The following SHLD1 variants were observed in gnomAD, a reference collection of about 807,000 sequenced individuals.
The protein encoded by SHLD1 is RINN1-REV7-interacting novel NHEJ regulator 3.
Under a neutral mutation model 5.5 loss-of-function variants are expected in SHLD1, and 3 were observed. That is an observed-to-expected ratio of 0.54 (90% CI 0.25 to 1.40). The LOEUF is 1.40. Ranked by LOEUF, SHLD1 falls within the 40% of genes most tolerant of loss-of-function variation. SHLD1 has a pLI of 0.15. For missense variants in SHLD1, 210 were observed against 244.4 expected (o/e 0.86, Z 0.94); for synonymous variants, 92 against 94.3 (o/e 0.98, Z 0.14).
chr20:5,762,832 G>A (rs1984541390), intron 1 of SHLD1, among the ~76,000 whole-genome samples: 1 of 152,024 alleles, frequency 6.6e-6, no homozygotes, highest in Admixed American at 6.6e-5. Context: ...AATTAGCCAG[G>A]TGTGGTAGTG....
chr20:5,821,779 A>G (rs1239589872), intron 2 of SHLD1, among the ~76,000 whole-genome samples: 2 of 152,140 alleles, frequency 1.3e-5, no homozygotes, highest in East Asian at 3.9e-4. Context: ...GCTTGGCTGG[A>G]GTTTTCAGTT....
intron 2 of SHLD1, among the ~76,000 whole-genome samples, chr20:5,834,440 G>C (rs2087766666): frequency 2.0e-5 from 3 of 152,098 alleles, no homozygotes; most frequent in Admixed American, 6.6e-5. Context: ...ATTCTAATTT[G>C]ACCAATGAGC....
At chr20:5,755,829 G>A (rs772656814) in intron 1 of SHLD1, among the ~76,000 whole-genome samples, 45 of 152,126 alleles carry the variant, frequency 3.0e-4, no homozygotes, top group African/African-American at 1.2e-4. Context: ...GGAGTGCTGG[G>A]ATTACAGGCA....
At chr20:5,750,501 G>GC (rs1555766059) in intron 1 of SHLD1, 22 bp downstream of exon 1, 1 of 145,146 alleles carries the variant, frequency 6.9e-6, no homozygotes, top group African/African-American at 2.6e-5. Flanking sequence ...ATGGGATGGG[G>GC]GGGGGTTGGA....
At chr20:5,841,448 T>C (rs1193518019) in intron 2 of SHLD1, among the ~76,000 whole-genome samples, 1 of 151,900 alleles carries the variant, frequency 6.6e-6, no homozygotes, top group African/African-American at 2.4e-5. Context: ...TTTTGCCACT[T>C]AGAGGTCAAA....
intron 2 of SHLD1, among the ~76,000 whole-genome samples, chr20:5,826,586 C>T (rs1294657639): frequency 6.6e-6 from 1 of 152,122 alleles, no homozygotes. Flanking sequence ...CCTTGCCTCC[C>T]CCAACATCTC....
intron 2 of SHLD1, among the ~76,000 whole-genome samples, chr20:5,850,818 C>T (rs2044989993): frequency 6.6e-6 from 1 of 152,124 alleles, no homozygotes; most frequent in South Asian, 2.1e-4. Flanking sequence ...CGCCCAGTCC[C>T]AGCTTTACTT....
intron 2 of SHLD1, among the ~76,000 whole-genome samples, chr20:5,841,879 G>A (rs1340495082): frequency 1.3e-5 from 2 of 152,226 alleles, no homozygotes; most frequent in East Asian, 3.8e-4. Flanking sequence ...GTAGTGCAAT[G>A]CAGAGGCTAT....
At chr20:5,778,114 C>CTTTTTTTTTT (rs776358532) in intron 2 of SHLD1, among the ~76,000 whole-genome samples, 4 of 111,928 alleles carry the variant, frequency 3.6e-5, no homozygotes, top group Non-Finnish European at 5.4e-5. Context: ...ATCCCTTTTT[C>CTTTTTTTTTT]TTTTTTTTTT....
intron 2 of SHLD1, among the ~76,000 whole-genome samples, chr20:5,826,911 C>G (rs577388219): frequency 6.6e-6 from 1 of 151,910 alleles, no homozygotes; most frequent in Non-Finnish European, 1.5e-5. Flanking sequence ...TCATATCCCC[C>G]CCTTCACCAC....
At chr20:5,776,391 A>G (rs1180539765) in intron 2 of SHLD1, among the ~76,000 whole-genome samples, 3 of 152,038 alleles carry the variant, frequency 2.0e-5, no homozygotes, top group East Asian at 1.9e-4. Context: ...GTGTCCTCAT[A>G]TGGCCTAGAG....
intron 2 of SHLD1, among the ~76,000 whole-genome samples, chr20:5,811,114 A>G (rs73073220): frequency 0.016 from 2,430 of 152,276 alleles, 23 homozygotes; most frequent in African/African-American, 0.029. Flanking sequence ...ATCGATGCCA[A>G]GTATTTGATC....
At chr20:5,756,655 G>C (rs978948795) in intron 1 of SHLD1, 10 of 161,838 alleles carry the variant, frequency 6.2e-5, no homozygotes, top group African/African-American at 2.2e-4. Context: ...TTTTTTAGCA[G>C]ATTCCTTAGG....
rs746886404 is a variant in SHLD1 at position 5,863,075 on chromosome 20, T to G, written c.230T>G (p.Phe77Cys). 1.9e-6 allele frequency: 3 copies of G among 1,614,020 alleles called. No homozygotes were observed. The highest frequency in any genetic ancestry group is 1.7e-6 in the Non-Finnish European group (2 of 1,179,972). ...AATAACTCCTGGACCGCTGAGAACT[T>G]CTGGCTTGACCCTGCTGTGAAAGGC... ...EQNNSWTAENFWLDPAVKGQS... is the reference protein window; with the variant it reads ...EQNNSWTAENCWLDPAVKGQS... Residue 77 changes from phenylalanine to cysteine, a missense_variant, in exon 3 of 3, where the codon TTC (phenylalanine) becomes TGC (cysteine). Physicochemically the swap from Phe to Cys is radical, Grantham distance 205 (BLOSUM62 -2). Transcript: ENST00000303142.
chr20:5,779,922 AAGCTTTG>A (rs958779363), intron 2 of SHLD1, among the ~76,000 whole-genome samples: 67 of 151,546 alleles, frequency 4.4e-4, no homozygotes, highest in African/African-American at 1.6e-3. Context: ...AAATAGAGCC[AAGCTTTG>A]GTCATTAGGA....
At chr20:5,762,752 G>T (rs987390730) in intron 1 of SHLD1, among the ~76,000 whole-genome samples, 6 of 151,464 alleles carry the variant, frequency 4.0e-5, no homozygotes, top group Non-Finnish European at 8.8e-5. Context: ...AGGCAGGTGG[G>T]TCACGAGGTT....
At chr20:5,764,174 ATTTT>A (rs34182994) in intron 1 of SHLD1, among the ~76,000 whole-genome samples, 2 of 99,484 alleles carry the variant, frequency 2.0e-5, no homozygotes, top group Admixed American at 1.3e-4. Flanking sequence ...ATATATATAT[ATTTT>A]TATATATATA....
chr20:5,820,111 C>G (rs1201264579), intron 2 of SHLD1, among the ~76,000 whole-genome samples: 2 of 152,196 alleles, frequency 1.3e-5, no homozygotes, highest in Admixed American at 6.5e-5. Context: ...CCATGCCTGG[C>G]TGATTTTTCT....
At chr20:5,854,595 A>C (rs1290956208) in intron 2 of SHLD1, among the ~76,000 whole-genome samples, 4 of 152,226 alleles carry the variant, frequency 2.6e-5, no homozygotes, top group Non-Finnish European at 5.9e-5. Context: ...TAAGAAACGT[A>C]AGGCAGGGAA....
Sources: allele counts gnomAD v4.1 joint callset (sites outside exome capture counted in the v4.1 genomes callset), GRCh38; gene constraint gnomAD v4.1.1; transcripts MANE v1.5; gene names NCBI Gene and HGNC (gene_info 2026-07-23, HGNC 2026-07-21).